BANK1: variants seen among roughly 807,000 people sequenced by gnomAD.
BANK1 encodes B cell scaffold protein with ankyrin repeats 1.
A neutral mutation model predicts 94.5 loss-of-function variants in BANK1; 95 were observed. The ratio of observed to expected loss-of-function variants is 1.00; its 90% CI spans 0.85 to 1.19. BANK1 has a LOEUF of 1.19. Among genes scored for constraint, BANK1 ranks in the 50% most tolerant of loss-of-function variants. The pLI is 0.00. For missense variants in BANK1, 987 were observed against 932.2 expected, an observed-to-expected ratio of 1.06 and a Z score of -0.77; for synonymous variants, 334 against 308.4, an observed-to-expected ratio of 1.08 and a Z score of -0.87.
chr4:101,839,251 A>C (rs1466231043), intron 2 of BANK1, among the ~76,000 whole-genome samples: 1 of 152,132 alleles, frequency 6.6e-6, no homozygotes, highest in East Asian at 1.9e-4. Context: ...CCATTTTATA[A>C]GTTGCATAAT....
intron 7 of BANK1, among the ~76,000 whole-genome samples, chr4:101,950,620 CAT>C (rs1441810036): frequency 6.6e-6 from 1 of 152,088 alleles, no homozygotes; most frequent in Non-Finnish European, 1.5e-5. Context: ...TCATAACAAA[CAT>C]AAAGTTTAAA....
intron 7 of BANK1, among the ~76,000 whole-genome samples, chr4:101,918,441 C>A (rs1025954970): frequency 4.7e-4 from 71 of 152,044 alleles, no homozygotes; most frequent in African/African-American, 1.7e-3. Flanking sequence ...CCTTCTCCTT[C>A]TCCCTGTTAA....
At position 102,016,844 on chromosome 4, in the gene BANK1, G is replaced by A. The variant is rs148625935; in HGVS notation, c.1207-4670G>A. On this transcript the variant is annotated intron_variant, in intron 7 of 16. Coordinates refer to ENST00000322953, the MANE Select transcript of BANK1 (RefSeq NM_017935.5). ...AGCCAGGAGCTAAAGACACGCCCAC[G>A]AATAATAAGGTTAGAGATATAAATT... 5.3e-5 allele frequency among the ~76,000 whole-genome samples: 8 copies of A among 152,126 alleles called. No homozygotes were observed. In the East Asian group the frequency reaches 1.2e-3, roughly 22 times the overall value.
intron 6 of BANK1, among the ~76,000 whole-genome samples, chr4:101,907,220 T>C (rs557793963): frequency 6.6e-6 from 1 of 152,302 alleles, no homozygotes; most frequent in South Asian, 2.1e-4. Flanking sequence ...TCAAGTGGGC[T>C]TCATCCCTGG....
intron 5 of BANK1, among the ~76,000 whole-genome samples, chr4:101,880,331 T>C (rs555491150): frequency 6.6e-6 from 1 of 151,898 alleles, no homozygotes; most frequent in African/African-American, 2.4e-5. Flanking sequence ...AAAAGTCCCA[T>C]TTACTGTAGC....
chr4:101,862,569 G>A lies in BANK1; in HGVS notation c.668G>A (p.Gly223Asp), dbSNP rs777884224. 6.2e-7 allele frequency: 1 copy of A among 1,609,742 alleles called. No individual in the cohort carries two copies. The highest frequency in any genetic ancestry group is 1.1e-5 in the South Asian group (1 of 90,322). ...IFIILRDEVI[G>D]DTVEVEFTSS... ...ATAATTTTGAGAGATGAAGTAATTG[G>A]TGATACTGTAGAGGTTGAATTTACA... Residue 223 changes from glycine (G) to aspartate (D), a missense_variant, in exon 4 of 17, where the codon GGT becomes GAT. Physicochemically the swap from Gly to Asp is moderately conservative, Grantham distance 94. Transcript: ENST00000322953.
intron 5 of BANK1, among the ~76,000 whole-genome samples, chr4:101,882,278 C>T (rs1728706857): frequency 6.6e-6 from 1 of 151,904 alleles, no homozygotes; most frequent in African/African-American, 2.4e-5. Flanking sequence ...ATGAAAGCTG[C>T]CCTCTTAAAA....
intron 7 of BANK1, among the ~76,000 whole-genome samples, chr4:101,918,784 A>G (rs185859321): frequency 3.9e-5 from 6 of 152,096 alleles, no homozygotes; most frequent in Non-Finnish European, 7.4e-5. Context: ...AAGAGTTGAT[A>G]TAGAATATGT....
At chr4:101,816,779 C>G (rs4615176) in intron 1 of BANK1, among the ~76,000 whole-genome samples, 76,768 of 151,958 alleles carry the variant, frequency 0.51, 21,880 homozygotes, top group African/African-American at 0.78. Context: ...TTATAATTTG[C>G]TAGATCACAT....
rs1042296035 is a variant in BANK1 at position 101,956,801 on chromosome 4, C to G, written c.1206+38612C>G. Among the ~76,000 whole-genome samples, 6 of 151,752 alleles carry G rather than the reference C, an allele frequency of 4.0e-5. No individual in the cohort carries two copies. The East Asian group carries it at 9.6e-4, about 24-fold the overall frequency. The stretch of plus-strand genomic sequence containing the variant: ...TGATCATTTTGTTTGTTTGTTTTTT[C>G]TCCTCTTAGGCATAGAATTATATAG... On this transcript the variant is annotated intron_variant, in intron 7 of 16. Transcript: ENST00000322953.
chr4:101,961,689 C>T (rs962601216), intron 7 of BANK1, among the ~76,000 whole-genome samples: 2 of 151,988 alleles, frequency 1.3e-5, no homozygotes, highest in Non-Finnish European at 2.9e-5. Flanking sequence ...AAGAAGGAAA[C>T]CAAAGGTTTC....
At chr4:101,853,954 C>A (rs896749594) in intron 2 of BANK1, among the ~76,000 whole-genome samples, 1 of 152,256 alleles carries the variant, frequency 6.6e-6, no homozygotes, top group East Asian at 1.9e-4. Context: ...ATGATTACAA[C>A]GTGGTCTTGT....
intron 15 of BANK1, 134 bp from the exon 16 acceptor site, chr4:102,073,550 C>T (rs1208101775): frequency 1.5e-6 from 1 of 684,352 alleles, no homozygotes; most frequent in East Asian, 3.0e-5. Context: ...GGAAGATTGT[C>T]TTGCCAGTTT....
intron 7 of BANK1, among the ~76,000 whole-genome samples, chr4:101,986,998 A>G (rs1432699948): frequency 1.8e-4 from 1 of 5,624 alleles, no homozygotes; most frequent in East Asian, 2.3e-3. Context: ...GAACAAAAGA[A>G]AAAAAAAAAG....
chr4:101,950,055 GTGTGT>G (rs1468137532), intron 7 of BANK1, among the ~76,000 whole-genome samples: 4 of 133,816 alleles, frequency 3.0e-5, no homozygotes, highest in South Asian at 2.1e-4. Flanking sequence ...GTGTGTGTGT[GTGTGT>G]GCGCGTGCGC....
intron 8 of BANK1, among the ~76,000 whole-genome samples, chr4:102,022,934 C>T (rs1237639407): frequency 6.6e-6 from 1 of 152,156 alleles, no homozygotes; most frequent in Non-Finnish European, 1.5e-5. Flanking sequence ...TCAATAGTTG[C>T]TTCATCACTT....
chr4:102,063,786 G>A (rs1285599918), intron 13 of BANK1, among the ~76,000 whole-genome samples: 3 of 146,168 alleles, frequency 2.1e-5, no homozygotes, highest in East Asian at 4.0e-4. Context: ...AGCATTACAC[G>A]CCAGCCTGGG....
chr4:101,927,343 C>T (rs1286571366), intron 7 of BANK1, among the ~76,000 whole-genome samples: 1 of 151,768 alleles, frequency 6.6e-6, no homozygotes, highest in African/African-American at 2.4e-5. Context: ...TGGTCCCACC[C>T]TGGACATATG....
chr4:101,848,144 G>A (rs1727328237), intron 2 of BANK1, among the ~76,000 whole-genome samples: 2 of 152,188 alleles, frequency 1.3e-5, no homozygotes, highest in African/African-American at 4.8e-5. Context: ...CAGTGGGGCT[G>A]TGTGTTCGGG....
Sources: gnomAD v4.1 joint callset for allele counts (sites outside exome capture counted in the v4.1 genomes callset) on GRCh38, gnomAD v4.1.1 for gene constraint, MANE v1.5 for transcripts, NCBI Gene and HGNC (gene_info 2026-07-23, HGNC 2026-07-21) for gene names.